The following NEDD4 variants were observed in gnomAD, a reference collection of about 807,000 sequenced individuals.
NEDD4 encodes the protein E3 ubiquitin-protein ligase NEDD4.
NEDD4 carries 99 observed loss-of-function variants against 144.9 expected under a neutral mutation model. The ratio of observed to expected loss-of-function variants is 0.68; its 90% CI spans 0.58 to 0.81. NEDD4 has a LOEUF of 0.81. Ranked by LOEUF, NEDD4 falls within the 30% of genes least tolerant of loss-of-function variation. The pLI is 0.00. For missense variants in NEDD4, 985 were observed against 1,065.9 expected, an observed-to-expected ratio of 0.92 and a Z score of 1.06; for synonymous variants, 318 against 350.6, an observed-to-expected ratio of 0.91 and a Z score of 1.04.
chr15:55,974,047 G>T (rs113626549), intron 1 of NEDD4, among the ~76,000 whole-genome samples: 22,592 of 151,986 alleles, frequency 0.15, 1,819 homozygotes, highest in East Asian at 0.32. Flanking sequence ...ACTAAGGAGA[G>T]AAGGCCCAAA....
At chr15:55,925,883 G>C (rs2036652402) in intron 4 of NEDD4, among the ~76,000 whole-genome samples, 1 of 151,844 alleles carries the variant, frequency 6.6e-6, no homozygotes, top group Non-Finnish European at 1.5e-5. Flanking sequence ...ACTAATGTTG[G>C]GATGAGGAAG....
intron 18 of NEDD4, among the ~76,000 whole-genome samples, chr15:55,843,364 C>T (rs561620464): frequency 1.4e-4 from 22 of 152,298 alleles, no homozygotes; most frequent in African/African-American, 3.8e-4. Context: ...CTGAAGAAGA[C>T]GACTTAAGAA....
At chr15:55,939,052 G>A (rs1381543259) in intron 4 of NEDD4, among the ~76,000 whole-genome samples, 1 of 152,150 alleles carries the variant, frequency 6.6e-6, no homozygotes, top group African/African-American at 2.4e-5. Context: ...GCTGCAATAA[G>A]CCATGATTGT....
intron 5 of NEDD4, among the ~76,000 whole-genome samples, chr15:55,881,202 C>T (rs1284871188): frequency 6.3e-4 from 94 of 148,566 alleles, no homozygotes; most frequent in African/African-American, 9.9e-5. Flanking sequence ...AGTGCAATGG[C>T]GTGATCTCGG....
chr15:55,852,527 G>C lies in NEDD4; in HGVS notation c.1043C>G (p.Ser348Cys), dbSNP rs752848604. 3 of 1,613,000 alleles carry C rather than the reference G, an allele frequency of 1.9e-6. No individual in the cohort carries two copies. The highest frequency in any genetic ancestry group is 2.5e-6 in the Non-Finnish European group (3 of 1,179,518). The change falls in exon 13 of 29, where the codon TCT becomes TGT. Residue 348 changes from serine to cysteine, a missense_variant. Transcript: ENST00000435532. ...TTCTTCCCAACCTGGTGGTAATCCA[G>C]ATGAAGTAGGCAAAAGCTAAAGTGA... ...PTLPVLLPTS[S>C]GLPPGWEEKQ...
chr15:55,873,950 A>G lies in NEDD4; in HGVS notation c.342+8T>C. On this transcript the variant is annotated splice_region_variant and intron_variant, in intron 6 of 28. Transcript: ENST00000435532. ...CCCAAAAGGAAAATCATGGACACCT[A>G]TACCAACCGGTAATGGATAAAGTGG... 1.3e-6 allele frequency: 2 copies of G among 1,526,250 alleles called. No homozygotes were observed. The highest frequency in any genetic ancestry group is 1.9e-5 in the Admixed American group (1 of 51,798). The allele number at this position is 1,526,250 out of a possible 1,614,324, so 94.5% of individuals were successfully genotyped here. A position where few individuals can be genotyped will look rare whatever the true frequency, so the allele number is the denominator to read the frequency against.
At chr15:55,982,527 T>G (rs2037820894) in intron 1 of NEDD4, among the ~76,000 whole-genome samples, 1 of 152,076 alleles carries the variant, frequency 6.6e-6, no homozygotes, top group Non-Finnish European at 1.5e-5. Context: ...TTACATGAAG[T>G]TCTAGAACAG....
At chr15:55,918,683 A>T (rs1373944553) in intron 5 of NEDD4, among the ~76,000 whole-genome samples, 2 of 152,178 alleles carry the variant, frequency 1.3e-5, no homozygotes, top group East Asian at 3.8e-4. Context: ...ATGGGAATTC[A>T]TTGCATTTCA....
At chr15:55,927,624 C>A (rs1229560984) in intron 4 of NEDD4, among the ~76,000 whole-genome samples, 2 of 152,274 alleles carry the variant, frequency 1.3e-5, no homozygotes, top group East Asian at 3.9e-4. Flanking sequence ...AGGATGGGGA[C>A]ACTGACATCC....
chr15:55,871,215 G>A (rs1431832654), intron 7 of NEDD4, among the ~76,000 whole-genome samples: 1 of 152,156 alleles, frequency 6.6e-6, no homozygotes, highest in Non-Finnish European at 1.5e-5. Flanking sequence ...ATAAAAGATG[G>A]ATACAGAAAA....
chr15:55,946,935 A>G (rs1486624538), intron 4 of NEDD4, among the ~76,000 whole-genome samples: 1 of 152,230 alleles, frequency 6.6e-6, no homozygotes, highest in Non-Finnish European at 1.5e-5. Flanking sequence ...TGAAGGCAGA[A>G]ACAAAGATGT....
chr15:55,856,036 C>T lies in NEDD4; in HGVS notation c.1026+95G>A, dbSNP rs2034180145. The T allele has an allele frequency of 8.4e-6, 9 of 1,073,934 alleles. No individual in the cohort carries two copies. The East Asian group carries it at 2.3e-4, about 28-fold the overall frequency. 66.5% of individuals were successfully genotyped at this position (1,073,934 alleles called of 1,614,324 possible). ...CTACATTCTGTGCTGTATTGGCTCC[C>T]TGTAAGGCAAACGTTCACACTCAAT... On this transcript the variant is annotated intron_variant, in intron 12 of 28. Coordinates refer to ENST00000435532, the MANE Select transcript of NEDD4 (RefSeq NM_006154.4).
chr15:55,974,887 C>CTTTATTTTTTTTTTTT (rs2037672792), intron 1 of NEDD4, among the ~76,000 whole-genome samples: 1 of 72,212 alleles, frequency 1.4e-5, no homozygotes, highest in African/African-American at 5.7e-5. Context: ...ATTTCTTTTC[C>CTTTATTTTTTTTTTTT]TTTCTTTTTT....
At chr15:55,971,845 T>A (rs557385465) in intron 1 of NEDD4, among the ~76,000 whole-genome samples, 1 of 151,854 alleles carries the variant, frequency 6.6e-6, no homozygotes, top group African/African-American at 2.4e-5. Flanking sequence ...AGATAAAGAA[T>A]GGATCTTAGA....
At chr15:55,924,229 A>G (rs1350667367) in intron 5 of NEDD4, 1 of 159,380 alleles carries the variant, frequency 6.3e-6, no homozygotes, top group African/African-American at 2.4e-5. Flanking sequence ...GAGAGTGGAT[A>G]GGATGTCCAT....
chr15:55,859,105 T>C (rs551692774), intron 11 of NEDD4, among the ~76,000 whole-genome samples: 2 of 152,312 alleles, frequency 1.3e-5, no homozygotes, highest in East Asian at 3.9e-4. Flanking sequence ...TGATCAGCTC[T>C]CATTAAATAT....
chr15:55,974,891 C>CTTTCTTTTTTTTTTTTTTTT (rs2037673350), intron 1 of NEDD4, among the ~76,000 whole-genome samples: 2 of 75,700 alleles, frequency 2.6e-5, no homozygotes, highest in Non-Finnish European at 4.9e-5. Context: ...CTTTTCCTTT[C>CTTTCTTTTTTTTTTTTTTTT]TTTTTTTTTT....
At position 55,834,115 on chromosome 15, in the gene NEDD4, C is replaced by G. The variant is rs1330962937; in HGVS notation, c.2353G>C (p.Val785Leu). ...TTTGTATGTTCCCTCCAGTCATTCA[C>G]ATCAACATCTCCCAGTCCACACATA... ...LLMCGLGDVDVNDWREHTKYK... is the reference protein window; with the variant it reads ...LLMCGLGDVDLNDWREHTKYK... The change falls in exon 26 of 29, where the codon GTG (valine) becomes CTG (leucine). Residue 785 changes from valine (V) to leucine (L), a missense_variant. Transcript: ENST00000435532. The G allele has an allele frequency of 5.6e-6, 9 of 1,613,546 alleles. No individual in the cohort carries two copies. Among genetic ancestry groups the G allele is most frequent in the African/African-American group, 1.3e-5 (1 of 74,916 alleles).
chr15:55,850,341 TCCA>T (rs1486437947), intron 14 of NEDD4, among the ~76,000 whole-genome samples, 198 bp downstream of exon 14: 2 of 152,192 alleles, frequency 1.3e-5, no homozygotes, highest in Admixed American at 6.5e-5. Context: ...CATGAATATC[TCCA>T]TCATAATCCA....
Sources: allele counts gnomAD v4.1 joint callset (sites outside exome capture counted in the v4.1 genomes callset), GRCh38; gene constraint gnomAD v4.1.1; transcripts MANE v1.5; gene names NCBI Gene and HGNC (gene_info 2026-07-23, HGNC 2026-07-21).